ANKRD17: variants seen among roughly 807,000 people sequenced by gnomAD.
ANKRD17 encodes the protein ankyrin repeat domain 17.
A neutral mutation model predicts 229.7 loss-of-function variants in ANKRD17; 19 were observed. That is an observed-to-expected ratio of 0.08 (90% confidence interval 0.06 to 0.12). The LOEUF (loss-of-function observed/expected upper bound fraction) is 0.12, where lower values mean the gene tolerates loss of function less well. Ranked by LOEUF, ANKRD17 falls within the 10% of genes least tolerant of loss-of-function variation. The probability of loss-of-function intolerance (pLI) is 1.00; values close to 1 mark genes in which losing one functional copy is unlikely to be tolerated. For missense variants in ANKRD17, 2,176 were observed against 3,176.8 expected (o/e 0.68, Z 7.57); for synonymous variants, 1,112 against 1,146.1 (o/e 0.97, Z 0.60).
chr4:73,173,218 T>A (rs1734277771), intron 2 of ANKRD17, among the ~76,000 whole-genome samples: 1 of 152,154 alleles, frequency 6.6e-6, no homozygotes, highest in African/African-American at 2.4e-5. Context: ...GATCATTATA[T>A]AATTATAAAG....
intron 1 of ANKRD17, among the ~76,000 whole-genome samples, chr4:73,189,703 G>A (rs1009514293): frequency 3.3e-5 from 5 of 152,030 alleles, no homozygotes; most frequent in Admixed American, 1.3e-4. Flanking sequence ...TACTATCAAC[G>A]GAGTTTCTCT....
At chr4:73,087,514 A>G (rs180856720) in intron 29 of ANKRD17, among the ~76,000 whole-genome samples, 2 of 152,364 alleles carry the variant, frequency 1.3e-5, no homozygotes, top group Admixed American at 1.3e-4. Context: ...CACAGAGTCA[A>G]TGTCAAGAAT....
rs1578537199 is a variant in ANKRD17 at position 73,254,733 on chromosome 4, A to G, written c.393+3543T>C. Among the ~76,000 whole-genome samples the G allele has an allele frequency of 2.6e-5, 4 of 151,430 alleles. No individual in the cohort carries two copies. The South Asian group carries it at 8.3e-4, about 32-fold the overall frequency. On this transcript the variant is annotated intron_variant, in intron 1 of 33. Coordinates refer to ENST00000358602, the MANE Select transcript of ANKRD17 (RefSeq NM_032217.5). ...CAGTGAGCCGAGATCAGACTGTTGC[A>G]CTCCAGCCTGGGCAACAAGAGCGAA...
At chr4:73,190,984 T>C (rs979945160) in intron 1 of ANKRD17, among the ~76,000 whole-genome samples, 18 of 152,240 alleles carry the variant, frequency 1.2e-4, no homozygotes, top group African/African-American at 4.1e-4. Context: ...ATGTCAATTT[T>C]CCCCAAATTA....
intron 24 of ANKRD17, chr4:73,113,452 GGTCT>G: frequency 8.8e-7 from 1 of 1,135,266 alleles, no homozygotes; most frequent in South Asian, 1.4e-5. Context: ...TAAATTACAA[GGTCT>G]AAAACAATAA....
chr4:73,240,106 T>G (rs1743880348), intron 1 of ANKRD17, among the ~76,000 whole-genome samples: 1 of 152,152 alleles, frequency 6.6e-6, no homozygotes, highest in Non-Finnish European at 1.5e-5. Flanking sequence ...CAGTCATAGT[T>G]TATAGGTCCT....
At position 73,098,373 on chromosome 4, in the gene ANKRD17, T is replaced by G; in HGVS notation, c.4721A>C (p.Asn1574Thr). The change falls in exon 26 of 34, where the codon AAT becomes ACT. Residue 1574 changes from asparagine to threonine, a missense_variant. By Grantham distance (65) the Asn-to-Thr change is moderately conservative. This residue lies in a region of ANKRD17 where 105 missense variants were observed against 118.3 expected (regional missense o/e 0.89). Coordinates refer to ENST00000358602, the MANE Select transcript of ANKRD17 (RefSeq NM_032217.5). ...TTSSKRKNRK[N>T]KITPENVQII... ...TTGAACGTTTTCTGGAGTAATTTTA[T>G]TTTTCCTGTTTTTCCTCTTTGAACT... 1.9e-6 allele frequency: 3 copies of G among 1,614,214 alleles called. No individual in the cohort carries two copies. Among genetic ancestry groups the G allele is most frequent in the Non-Finnish European group, 2.5e-6 (3 of 1,180,042 alleles).
intron 1 of ANKRD17, among the ~76,000 whole-genome samples, chr4:73,212,017 T>A (rs916515605): frequency 1.3e-5 from 2 of 152,164 alleles, no homozygotes. Flanking sequence ...AATCCCAACC[T>A]ACTGATCACC....
At chr4:73,126,159 G>C (rs1273925187) in intron 16 of ANKRD17, among the ~76,000 whole-genome samples, 3 of 152,164 alleles carry the variant, frequency 2.0e-5, no homozygotes, top group African/African-American at 7.2e-5. Flanking sequence ...TCATGGAGCA[G>C]ATTATTGAAG....
chr4:73,250,589 CAAAAAAA>C (rs35160047), intron 1 of ANKRD17, among the ~76,000 whole-genome samples: 17 of 29,406 alleles, frequency 5.8e-4, no homozygotes, highest in African/African-American at 8.4e-4. Flanking sequence ...GACCTTGTCT[CAAAAAAA>C]AAAAAAAAAA....
chr4:73,179,801 T>C (rs537878867), intron 1 of ANKRD17, among the ~76,000 whole-genome samples: 1 of 151,698 alleles, frequency 6.6e-6, no homozygotes, highest in East Asian at 1.9e-4. Context: ...AGTAAAAGTA[T>C]GAGAAAGGAA....
intron 29 of ANKRD17, among the ~76,000 whole-genome samples, chr4:73,086,919 A>AATATATATAT (rs61024099): frequency 0.014 from 178 of 12,422 alleles, 15 homozygotes; most frequent in Non-Finnish European, 0.024. Context: ...AAAAAAAAAA[A>AATATATATAT]ATATATATAT....
intron 1 of ANKRD17, among the ~76,000 whole-genome samples, chr4:73,221,860 C>T (rs989833891): frequency 1.3e-5 from 2 of 152,124 alleles, no homozygotes; most frequent in Non-Finnish European, 2.9e-5. Context: ...GCAGAACAAC[C>T]ATGAGACTTG....
Position 73,101,643 on chromosome 4 carries a change from C to T in ANKRD17, c.4573+733G>A, listed in dbSNP as rs76346982. Among the ~76,000 whole-genome samples, 404 of 105,408 alleles carry T rather than the reference C, an allele frequency of 3.8e-3. 1 individual carries two copies. The highest frequency in any genetic ancestry group is 0.015 in the African/African-American group (386 of 26,500). The allele number at this position is 105,408 out of a possible 152,430, so 69.2% of individuals were successfully genotyped here. Reference sequence around the variant, plus strand: ...GCATAATACTGCACTCCAGTCTGGGCAACAGACCAAGACTCGGTCTCAAAA... The same window carrying T: ...GCATAATACTGCACTCCAGTCTGGGTAACAGACCAAGACTCGGTCTCAAAA... On this transcript the variant is annotated intron_variant, in intron 25 of 33. Coordinates refer to ENST00000358602, the MANE Select transcript of ANKRD17 (RefSeq NM_032217.5).
In ANKRD17 at chr4:73,177,566, G is replaced by C. The variant is rs1317232042; in HGVS notation, c.394-33C>G. On this transcript the variant is annotated intron_variant, in intron 1 of 33. Coordinates refer to ENST00000358602, the MANE Select transcript of ANKRD17 (RefSeq NM_032217.5). ...ACAAATGCAAAAAGAGGGAGGAAGG[G>C]AGAAATGAACAGCGAAAGGAAAAGA... 3.9e-6 allele frequency: 6 copies of C among 1,551,374 alleles called. No homozygotes were observed. In the South Asian group the frequency reaches 4.5e-5, roughly 12 times the overall value.
intron 1 of ANKRD17, among the ~76,000 whole-genome samples, chr4:73,193,596 T>C (rs1230737400): frequency 6.6e-6 from 1 of 152,216 alleles, no homozygotes; most frequent in Non-Finnish European, 1.5e-5. Context: ...CTTTATCTTG[T>C]GTTTATTTGC....
chr4:73,154,946 CAGG>C (rs1162525998), intron 5 of ANKRD17, among the ~76,000 whole-genome samples: 1 of 150,468 alleles, frequency 6.6e-6, no homozygotes, highest in East Asian at 2.0e-4. Context: ...GAGGCTGAGG[CAGG>C]AGAATGGCGT....
chr4:73,222,213 C>A (rs1038006209), intron 1 of ANKRD17, among the ~76,000 whole-genome samples: 1 of 152,058 alleles, frequency 6.6e-6, no homozygotes, highest in Non-Finnish European at 1.5e-5. Flanking sequence ...CCTATAAATA[C>A]AAATTTCTAA....
chr4:73,174,589 C>T (rs1176087236), intron 2 of ANKRD17, among the ~76,000 whole-genome samples: 2 of 152,098 alleles, frequency 1.3e-5, no homozygotes, highest in African/African-American at 4.8e-5. Flanking sequence ...CCAGAGCAAT[C>T]AGACAAGAGA....
Sources: gnomAD v4.1 joint callset for allele counts (sites outside exome capture counted in the v4.1 genomes callset) on GRCh38, gnomAD v4.1.1 for gene constraint, gnomAD v4.1.1 regional missense constraint, MANE v1.5 for transcripts, NCBI Gene and HGNC (gene_info 2026-07-23, HGNC 2026-07-21) for gene names.